Variants in SLC9A4 observed in about 807,000 individuals in gnomAD.
SLC9A4 encodes the protein sodium/hydrogen exchanger 4.
In SLC9A4, 63 loss-of-function variants were observed where a neutral mutation model predicts 67.4. The observed-to-expected ratio is 0.93, with a 90% CI of 0.76 to 1.15. SLC9A4 has a LOEUF of 1.15. Ranked by LOEUF, SLC9A4 falls within the 50% of genes most tolerant of loss-of-function variation. The pLI, the probability that SLC9A4 is intolerant of heterozygous loss-of-function variation, is 0.00. For missense variants in SLC9A4, 1,089 were observed against 987.7 expected (o/e 1.10, Z -1.38); for synonymous variants, 393 against 367.2 (o/e 1.07, Z -0.80).
rs746523131 is a variant in SLC9A4, at chr2:102,532,685, A to G, written c.2394A>G (p.Lys798=). ...HRSHSPLLQK[K] ...CCCATAGTCCTTTGCTCCAAAAAAA[A>G]TAGTGTTATTGTCCACAAGATTGTT... The change falls in exon 12 of 12, where the codon AAA becomes AAG. Residue 798 remains lysine, a synonymous_variant. Transcript: ENST00000295269. 1 of 1,611,264 alleles carries G rather than the reference A, an allele frequency of 6.2e-7. No individual in the cohort carries two copies. Among genetic ancestry groups the G allele is most frequent in the Non-Finnish European group, 8.5e-7 (1 of 1,178,476 alleles).
At chr2:102,487,342 T>C (rs754111338) in intron 2 of SLC9A4, among the ~76,000 whole-genome samples, 6 of 152,116 alleles carry the variant, frequency 3.9e-5, no homozygotes, top group Admixed American at 6.6e-5. Flanking sequence ...AGCAGATCAG[T>C]GCAGGTCCCA....
chr2:102,522,527 A>G (rs1158820859), intron 9 of SLC9A4, among the ~76,000 whole-genome samples: 4 of 152,122 alleles, frequency 2.6e-5, no homozygotes, highest in African/African-American at 9.7e-5. Flanking sequence ...ATGGAAGCCA[A>G]ATGTCCAAGT....
chr2:102,493,621 C>T (rs1334269980), intron 2 of SLC9A4, among the ~76,000 whole-genome samples: 1 of 151,812 alleles, frequency 6.6e-6, no homozygotes, highest in African/African-American at 2.4e-5. Context: ...ATGGGAACTA[C>T]AATTCAAGAA....
intron 9 of SLC9A4, among the ~76,000 whole-genome samples, chr2:102,523,556 T>C (rs1019846795): frequency 1.3e-5 from 2 of 151,746 alleles, no homozygotes; most frequent in African/African-American, 4.9e-5. Context: ...TAAAAATCAA[T>C]AGAAATAGAA....
chr2:102,517,207 G>A (rs1320290602), intron 8 of SLC9A4, among the ~76,000 whole-genome samples: 1 of 152,224 alleles, frequency 6.6e-6, no homozygotes, highest in African/African-American at 2.4e-5. Flanking sequence ...ATGCTAAGCA[G>A]CTGCACACAG....
intron 11 of SLC9A4, among the ~76,000 whole-genome samples, chr2:102,527,219 C>T (rs1028607285): frequency 1.2e-4 from 19 of 152,110 alleles, no homozygotes; most frequent in African/African-American, 4.6e-4. Flanking sequence ...TTCTAGAATT[C>T]TTCCTATACC....
Position 102,473,771 on chromosome 2 carries a change from G to A in SLC9A4, c.12G>A (p.Gln4=), listed in dbSNP as rs1390788921. MAL[Q]MFVTYSPWNC... is the part of the protein sequence containing the mutation. Reference sequence around the variant, plus strand: ...AGAAGCCCACAGGAATGGCTCTGCAGATGTTCGTGACTTACAGTCCTTGGA... The same window carrying A: ...AGAAGCCCACAGGAATGGCTCTGCAAATGTTCGTGACTTACAGTCCTTGGA... The change falls in exon 1 of 12, where the codon CAG becomes CAA. Residue 4 remains glutamine (Q), a synonymous_variant. Transcript: ENST00000295269. The A allele has an allele frequency of 6.2e-7, 1 of 1,613,922 alleles. No individual in the cohort carries two copies.
chr2:102,505,824 G>A (rs912805611), intron 4 of SLC9A4: 1 of 227,674 alleles, frequency 4.4e-6, no homozygotes. Flanking sequence ...TGGTTCCTAA[G>A]ACCAACATAT....
At chr2:102,479,619 C>A (rs1007181977) in intron 2 of SLC9A4, among the ~76,000 whole-genome samples, 7 of 152,218 alleles carry the variant, frequency 4.6e-5, no homozygotes, top group African/African-American at 1.7e-4. Context: ...AATGGCCCTT[C>A]TGGGGTTTCA....
intron 9 of SLC9A4, among the ~76,000 whole-genome samples, chr2:102,522,984 GA>G (rs1674564300): frequency 1.3e-5 from 2 of 152,082 alleles, no homozygotes; most frequent in East Asian, 3.9e-4. Context: ...TTCCCTTGGA[GA>G]CAGTTGTCAG....
At chr2:102,514,395 C>G in intron 8 of SLC9A4, 144 bp downstream of exon 8, 1 of 552,498 alleles carries the variant, frequency 1.8e-6, no homozygotes, top group Non-Finnish European at 2.9e-6. Context: ...TAATCTAAGT[C>G]TTGGCATTTT....
At chr2:102,527,900 T>C (rs950735921) in intron 11 of SLC9A4, among the ~76,000 whole-genome samples, 1 of 152,192 alleles carries the variant, frequency 6.6e-6, no homozygotes, top group Non-Finnish European at 1.5e-5. Flanking sequence ...CTGCCTTTGC[T>C]CGTTTTTTGT....
Position 102,508,907 on chromosome 2 carries a change from T to A in SLC9A4, c.1462T>A (p.Ser488Thr), listed in dbSNP as rs1685102609. 1.2e-6 allele frequency: 2 copies of A among 1,612,784 alleles called. No individual in the cohort carries two copies. Among genetic ancestry groups the A allele is most frequent in the African/African-American group, 2.7e-5 (2 of 74,830 alleles). The part of the protein sequence containing the change: ...LDVKKTNKKE[S>T]INEELHIRLM... ...TGTTAAAAAAACCAATAAAAAAGAA[T>A]CCATCAATGAAGAGCTTCATATTCG... is the stretch of plus-strand genomic sequence containing the variant. The change falls in exon 6 of 12, where the codon TCC becomes ACC. Residue 488 changes from serine (S) to threonine (T), a missense_variant. Physicochemically the swap from Ser to Thr is moderately conservative, Grantham distance 58. Transcript: ENST00000295269.
Position 102,532,467 on chromosome 2 carries a change from G to C in SLC9A4, c.2176G>C (p.Gly726Arg), listed in dbSNP as rs762564057. Reference sequence around the variant, plus strand: ...CAGAGGAAGGAAGGCATTCAGCTTTGGTTATCAAAGAAACACAAGCCAAGA... The same window carrying C: ...CAGAGGAAGGAAGGCATTCAGCTTTCGTTATCAAAGAAACACAAGCCAAGA... ...LHRGRKAFSF[G>R]YQRNTSQEEY... The change falls in exon 12 of 12, where the codon GGT (glycine) becomes CGT (arginine). Residue 726 changes from glycine to arginine, a missense_variant. Transcript: ENST00000295269. 6.8e-6 allele frequency: 11 copies of C among 1,614,052 alleles called. No homozygotes were observed. In the East Asian group the frequency reaches 2.4e-4, roughly 36 times the overall value.
intron 11 of SLC9A4, among the ~76,000 whole-genome samples, chr2:102,529,691 A>C (rs1573360403): frequency 1.3e-5 from 2 of 152,166 alleles, no homozygotes; most frequent in Non-Finnish European, 1.5e-5. Flanking sequence ...GCTGGAGGGG[A>C]TCTAGGGGAG....
chr2:102,518,186 G>A lies in SLC9A4; in HGVS notation c.1722-1673G>A, dbSNP rs115992275. Among the ~76,000 whole-genome samples the A allele has an allele frequency of 3.8e-3, 581 of 152,238 alleles. 6 individuals carry two copies. Among genetic ancestry groups the A allele is most frequent in the African/African-American group, 0.013 (554 of 41,540 alleles). On this transcript the variant is annotated intron_variant, in intron 8 of 11. Coordinates refer to ENST00000295269, the MANE Select transcript of SLC9A4 (RefSeq NM_001011552.4). ...GCTTGAATGGATTTTAACTAAGTTC[G>A]TCCCCCCCAAAGTGGTCAGTTATAA...
intron 11 of SLC9A4, among the ~76,000 whole-genome samples, chr2:102,530,775 G>A (rs1294991027): frequency 6.6e-6 from 1 of 152,148 alleles, no homozygotes. Context: ...AAAAAAAATG[G>A]ACAGATATAT....
chr2:102,474,015 G>C lies in SLC9A4; in HGVS notation c.256G>C (p.Gly86Arg), dbSNP rs374368102. The C allele has an allele frequency of 6.2e-7, 1 of 1,612,618 alleles. No homozygotes were observed. The highest frequency in any genetic ancestry group is 1.7e-5 in the Admixed American group (1 of 59,972). Residue 86 changes from glycine (G) to arginine (R), a missense_variant and splice_region_variant, in exon 1 of 12, where the codon GGC becomes CGC. Physicochemically the swap from Gly to Arg is moderately radical, Grantham distance 125 (BLOSUM62 -2). Coordinates refer to ENST00000295269, the MANE Select transcript of SLC9A4 (RefSeq NM_001011552.4). ...WILLASLAKIGFHLYHRLPGL... is the reference protein window; with the variant it reads ...WILLASLAKIRFHLYHRLPGL... Reference sequence around the variant, plus strand: ...ACTTCTAGCATCCCTTGCAAAAATAGGTAAGTCCTTAAACACCTGGTTTGG... The same window carrying C: ...ACTTCTAGCATCCCTTGCAAAAATACGTAAGTCCTTAAACACCTGGTTTGG...
intron 8 of SLC9A4, among the ~76,000 whole-genome samples, chr2:102,515,604 C>T (rs777952808): frequency 5.9e-5 from 9 of 151,322 alleles, no homozygotes; most frequent in Non-Finnish European, 8.8e-5. Flanking sequence ...TGGTGGAGCC[C>T]CAGGCAAAGG....
Sources: gnomAD v4.1 joint callset for allele counts (sites outside exome capture counted in the v4.1 genomes callset) on GRCh38, gnomAD v4.1.1 for gene constraint, MANE v1.5 for transcripts, NCBI Gene and HGNC (gene_info 2026-07-23, HGNC 2026-07-21) for gene names.